Variants in DUSP13B observed in about 807,000 individuals in gnomAD.
DUSP13B encodes the protein dual specificity phosphatase 13B.
At chr10:75,108,456 C>T in the DUSP13B span, among the ~76,000 whole-genome samples, 2 of 152,158 alleles carry the variant, frequency 1.3e-5, no homozygotes, top group African/African-American at 4.8e-5. Flanking sequence ...TGCATCTGTC[C>T]CTGCCTTGGC....
chr10:75,106,083 T>C, the DUSP13B span, among the ~76,000 whole-genome samples: 1 of 145,690 alleles, frequency 6.9e-6, no homozygotes, highest in Non-Finnish European at 1.5e-5. Context: ...CGAATTTCTT[T>C]TTTCTTTTCT....
At chr10:75,108,307 G>C in the DUSP13B span, 2 of 1,487,026 alleles carry the variant, frequency 1.3e-6, no homozygotes, top group Non-Finnish European at 1.8e-6. Flanking sequence ...GAGCCATTAG[G>C]GTCCAAAGAG....
chr10:75,094,443 C>T, the DUSP13B span: 5 of 547,822 alleles, frequency 9.1e-6, no homozygotes, highest in Non-Finnish European at 9.8e-6. Context: ...GTCTTTATGA[C>T]GATGAATATT....
At chr10:75,094,704 C>T in the DUSP13B span, 1,087 of 1,614,106 alleles carry the variant, frequency 6.7e-4, 5 homozygotes, top group African/African-American at 0.012. Context: ...CCGCCCCAGT[C>T]GGTTGTCCAG....
At chr10:75,099,570 A>AG in the DUSP13B span, 37 of 1,224,234 alleles carry the variant, frequency 3.0e-5, no homozygotes, top group East Asian at 8.1e-4. Flanking sequence ...TGGGGCGCCC[A>AG]TGGGGGGTGG....
the DUSP13B span, among the ~76,000 whole-genome samples, chr10:75,103,700 C>T: frequency 1.3e-5 from 2 of 152,242 alleles, no homozygotes; most frequent in Non-Finnish European, 2.9e-5. Context: ...GTCTGAGCTC[C>T]AGGGAGCTAA....
chr10:75,106,848 T>A, the DUSP13B span, among the ~76,000 whole-genome samples: 1 of 152,206 alleles, frequency 6.6e-6, no homozygotes, highest in African/African-American at 2.4e-5. Flanking sequence ...TAAAAAGTCA[T>A]GTGAGCTGTA....
chr10:75,095,638 C>T, the DUSP13B span: 48 of 1,614,020 alleles, frequency 3.0e-5, no homozygotes, highest in South Asian at 4.4e-5. Context: ...ACACTGAGGT[C>T]GAAGAAGGGG....
chr10:75,107,952 A>G, the DUSP13B span: 1 of 1,573,036 alleles, frequency 6.4e-7, no homozygotes, highest in Non-Finnish European at 8.6e-7. Flanking sequence ...CTCCCCATGA[A>G]TGAGCAAGAT....
the DUSP13B span, among the ~76,000 whole-genome samples, chr10:75,096,470 G>C: frequency 3.3e-5 from 5 of 151,844 alleles, no homozygotes; most frequent in Non-Finnish European, 5.9e-5. Flanking sequence ...CCAGCTACTT[G>C]GGAGGCTGAG....
chr10:75,094,711 C>G, the DUSP13B span: 5 of 1,614,144 alleles, frequency 3.1e-6, no homozygotes, highest in East Asian at 1.1e-4. Context: ...AGTCGGTTGT[C>G]CAGAACCTGG....
chr10:75,107,145 C>G, the DUSP13B span, among the ~76,000 whole-genome samples: 2 of 152,232 alleles, frequency 1.3e-5, no homozygotes, highest in East Asian at 3.9e-4. Flanking sequence ...AGACCAGCCT[C>G]GCCAACATGG....
the DUSP13B span, among the ~76,000 whole-genome samples, chr10:75,104,551 C>T: frequency 6.6e-6 from 1 of 152,146 alleles, no homozygotes; most frequent in South Asian, 2.1e-4. Context: ...TGGGCATGGT[C>T]CGAGATCTGA....
At chr10:75,108,000 G>C in the DUSP13B span, 1 of 1,612,258 alleles carries the variant, frequency 6.2e-7, no homozygotes, top group Non-Finnish European at 8.5e-7. Flanking sequence ...ACCCCCAGGC[G>C]TGTTGAGGGC....
At chr10:75,106,568 G>A in the DUSP13B span, among the ~76,000 whole-genome samples, 16 of 152,112 alleles carry the variant, frequency 1.1e-4, no homozygotes, top group Non-Finnish European at 1.8e-4. Context: ...TTTGTAGAGG[G>A]AAGTCCCCCC....
At chr10:75,094,857 G>C in the DUSP13B span, 1 of 1,614,114 alleles carries the variant, frequency 6.2e-7, no homozygotes, top group Admixed American at 1.7e-5. Context: ...TACCCCCATG[G>C]CACAGTGTAC....
At chr10:75,100,588 C>T in the DUSP13B span, among the ~76,000 whole-genome samples, 1 of 152,182 alleles carries the variant, frequency 6.6e-6, no homozygotes, top group Non-Finnish European at 1.5e-5. Context: ...ACAGGCCCAA[C>T]GTCCAGCAGG....
the DUSP13B span, among the ~76,000 whole-genome samples, chr10:75,107,145 C>T: frequency 6.6e-6 from 1 of 152,116 alleles, no homozygotes; most frequent in Non-Finnish European, 1.5e-5. Flanking sequence ...AGACCAGCCT[C>T]GCCAACATGG....
At chr10:75,098,995 C>T in the DUSP13B span, 1 of 1,232,308 alleles carries the variant, frequency 8.1e-7, no homozygotes, top group Non-Finnish European at 1.0e-6. Flanking sequence ...TGCTGAGCCA[C>T]ACACCTGCCT....
Sources: allele counts gnomAD v4.1 joint callset (sites outside exome capture counted in the v4.1 genomes callset), GRCh38; gene constraint gnomAD v4.1.1; transcripts MANE v1.5; gene names NCBI Gene and HGNC (gene_info 2026-07-23, HGNC 2026-07-21).